TNFSF4: variants seen among roughly 807,000 people sequenced by gnomAD.
TNFSF4 encodes tumor necrosis factor ligand superfamily member 4.
In TNFSF4, 4 loss-of-function variants were observed where a neutral mutation model predicts 7.3. The ratio of observed to expected loss-of-function variants is 0.55; its 90% CI spans 0.27 to 1.25. The LOEUF (loss-of-function observed/expected upper bound fraction) is 1.25. TNFSF4 is among the 50% of genes most tolerant of loss of function. The pLI, the probability that TNFSF4 is intolerant of heterozygous loss-of-function variation, is 0.12. For synonymous variants in TNFSF4, 76 were observed against 83.7 expected (o/e 0.91, Z 0.50); for missense variants, 181 against 208.8 (o/e 0.87, Z 0.82).
chr1:173,346,820 T>C, the TNFSF4 span, among the ~76,000 whole-genome samples: 9 of 152,212 alleles, frequency 5.9e-5, no homozygotes, highest in African/African-American at 2.2e-4. Context: ...TGAATAATCA[T>C]TAAACCAGAA....
the TNFSF4 span, among the ~76,000 whole-genome samples, chr1:173,373,917 T>G: frequency 6.6e-6 from 1 of 152,218 alleles, no homozygotes; most frequent in East Asian, 1.9e-4. Context: ...TGGTCTGGCT[T>G]TTAAAGCCAC....
the TNFSF4 span, among the ~76,000 whole-genome samples, chr1:173,285,014 T>C: frequency 6.6e-6 from 1 of 152,174 alleles, no homozygotes; most frequent in South Asian, 2.1e-4. Flanking sequence ...AAGTAACAAT[T>C]CCTCTAATGA....
chr1:173,342,626 T>G, the TNFSF4 span, among the ~76,000 whole-genome samples: 1 of 152,170 alleles, frequency 6.6e-6, no homozygotes, highest in Admixed American at 6.5e-5. Flanking sequence ...ATCCCGTCAG[T>G]AAAGGTTCCA....
the TNFSF4 span, among the ~76,000 whole-genome samples, chr1:173,380,989 T>A: frequency 6.6e-6 from 1 of 152,094 alleles, no homozygotes; most frequent in Non-Finnish European, 1.5e-5. Flanking sequence ...CCCAAGGAAA[T>A]CAGACCCTAT....
chr1:173,323,479 G>A, the TNFSF4 span, among the ~76,000 whole-genome samples: 2 of 152,220 alleles, frequency 1.3e-5, no homozygotes, highest in African/African-American at 2.4e-5. Flanking sequence ...AAGGAACGCA[G>A]CTCCTCACCA....
intron 1 of TNFSF4, 92 bp downstream of exon 1, chr1:173,206,932 G>T (rs1650222636): frequency 4.3e-6 from 6 of 1,410,600 alleles, no homozygotes; most frequent in Non-Finnish European, 5.7e-6. Flanking sequence ...AACACTTTTG[G>T]CATAAGATTA....
the TNFSF4 span, among the ~76,000 whole-genome samples, chr1:173,341,327 T>C: frequency 6.6e-6 from 1 of 152,136 alleles, no homozygotes; most frequent in African/African-American, 2.4e-5. Flanking sequence ...CAACGAGCTA[T>C]GAAAGAAGAC....
chr1:173,396,211 G>A, the TNFSF4 span, among the ~76,000 whole-genome samples: 1 of 152,256 alleles, frequency 6.6e-6, no homozygotes, highest in Middle Eastern at 3.4e-3. Flanking sequence ...AAATGGAAAT[G>A]CATATTAAAG....
the TNFSF4 span, among the ~76,000 whole-genome samples, chr1:173,420,519 T>C: frequency 2.0e-5 from 3 of 150,558 alleles, no homozygotes; most frequent in Non-Finnish European, 4.4e-5. Flanking sequence ...TTAAAGAATA[T>C]GGCCACCAGG....
chr1:173,253,181 A>G, the TNFSF4 span, among the ~76,000 whole-genome samples: 4 of 152,296 alleles, frequency 2.6e-5, no homozygotes, highest in African/African-American at 9.6e-5. Context: ...TTCAGCTATC[A>G]GGCTTTTTTT....
the TNFSF4 span, among the ~76,000 whole-genome samples, chr1:173,292,114 G>A: frequency 2.0e-5 from 3 of 151,986 alleles, no homozygotes; most frequent in Non-Finnish European, 4.4e-5. Flanking sequence ...GAAGAGGAGG[G>A]ACTCCCCTCT....
intron 1 of TNFSF4, among the ~76,000 whole-genome samples, chr1:173,201,528 G>A (rs16845599): frequency 0.032 from 4,943 of 152,204 alleles, 246 homozygotes; most frequent in African/African-American, 0.11. Flanking sequence ...CATTTACAAA[G>A]CTGTGTATCA....
At chr1:173,353,856 C>G in the TNFSF4 span, among the ~76,000 whole-genome samples, 5 of 152,072 alleles carry the variant, frequency 3.3e-5, no homozygotes, top group Non-Finnish European at 5.9e-5. Flanking sequence ...GTAATTGTCT[C>G]TAAGTGATCA....
chr1:173,258,308 T>G, the TNFSF4 span, among the ~76,000 whole-genome samples: 2 of 150,080 alleles, frequency 1.3e-5, no homozygotes, highest in African/African-American at 4.9e-5. Flanking sequence ...ACTAACTAGG[T>G]GGTTAGCACG....
chr1:173,391,435 CAAAAAAAAA>C, the TNFSF4 span, among the ~76,000 whole-genome samples: 11 of 108,822 alleles, frequency 1.0e-4, no homozygotes, highest in Middle Eastern at 6.1e-3. Context: ...CCTTAGAAAG[CAAAAAAAAA>C]AAAAAAAAAA....
chr1:173,332,555 A>T, the TNFSF4 span, among the ~76,000 whole-genome samples: 4 of 151,406 alleles, frequency 2.6e-5, no homozygotes, highest in East Asian at 3.9e-4. Context: ...AATTAATTAA[A>T]TAAAATAAAC....
the TNFSF4 span, among the ~76,000 whole-genome samples, chr1:173,274,124 T>TACATACACACACACACAC: frequency 1.4e-5 from 2 of 145,426 alleles, no homozygotes; most frequent in Non-Finnish European, 3.0e-5. Flanking sequence ...TCCATGTTCA[T>TACATACACACACACACAC]ACACACACAC....
At chr1:173,241,278 C>G in the TNFSF4 span, among the ~76,000 whole-genome samples, 1 of 152,218 alleles carries the variant, frequency 6.6e-6, no homozygotes, top group East Asian at 1.9e-4. Context: ...AAACCAATTT[C>G]CTTATTCTCT....
At chr1:173,284,394 TAAAGC>T in the TNFSF4 span, among the ~76,000 whole-genome samples, 1 of 152,160 alleles carries the variant, frequency 6.6e-6, no homozygotes, top group Non-Finnish European at 1.5e-5. Flanking sequence ...AAGTGCAAGG[TAAAGC>T]AGCAAGTGCT....
Sources: allele counts gnomAD v4.1 joint callset (sites outside exome capture counted in the v4.1 genomes callset), GRCh38; gene constraint gnomAD v4.1.1; transcripts MANE v1.5; gene names NCBI Gene and HGNC (gene_info 2026-07-23, HGNC 2026-07-21).